TAFA5: variants seen among roughly 807,000 people sequenced by gnomAD.
The protein encoded by TAFA5 is chemokine-like protein TAFA-5.
A neutral mutation model predicts 15.3 loss-of-function variants in TAFA5; 6 were observed. That is an observed-to-expected ratio of 0.39 (90% CI 0.21 to 0.77). The LOEUF (loss-of-function observed/expected upper bound fraction) is 0.77. Ranked by LOEUF, TAFA5 falls within the 30% of genes least tolerant of loss-of-function variation. The pLI is 0.41. For synonymous variants in TAFA5, 103 were observed against 80.7 expected (o/e 1.28, Z -1.48); for missense variants, 161 against 193.1 (o/e 0.83, Z 0.98).
intron 1 of TAFA5, among the ~76,000 whole-genome samples, chr22:48,620,892 A>C: frequency 2.8e-5 from 1 of 35,426 alleles, no homozygotes. Flanking sequence ...CCATCCACCC[A>C]CCCAGTCTAT....
rs190943251 is a variant in TAFA5, at chr22:48,586,494, G to T, written c.113-60103G>T. Among the ~76,000 whole-genome samples, 443 of 152,300 alleles carry T rather than the reference G, an allele frequency of 2.9e-3. 3 individuals carry two copies. The highest frequency in any genetic ancestry group is 4.9e-3 in the Non-Finnish European group (332 of 68,016). ...TGGAAGCCCGAGGACTTCCACGGGG[G>T]TCCCCTGACAGATGGCCCCAGCAGT... is the stretch of plus-strand genomic sequence containing the variant. On this transcript the variant is annotated intron_variant, in intron 1 of 3. Transcript: ENST00000402357.
intron 1 of TAFA5, among the ~76,000 whole-genome samples, chr22:48,616,749 G>C (rs554992403): frequency 8.1e-4 from 124 of 152,356 alleles, no homozygotes; most frequent in African/African-American, 2.9e-3. Flanking sequence ...GGTCAGCAGC[G>C]AGATGGTGGG....
At chr22:48,492,130 C>A (rs1334452516) in intron 1 of TAFA5, among the ~76,000 whole-genome samples, 1 of 149,252 alleles carries the variant, frequency 6.7e-6, no homozygotes, top group East Asian at 1.9e-4. Context: ...AAAAAAATCC[C>A]CCCCCCTTTT....
intron 1 of TAFA5, among the ~76,000 whole-genome samples, chr22:48,499,386 G>A (rs1920941196): frequency 6.6e-6 from 1 of 152,168 alleles, no homozygotes; most frequent in Non-Finnish European, 1.5e-5. Context: ...TTTCTGTGGT[G>A]TCTACAGCCC....
In TAFA5 at chr22:48,592,480, C is replaced by G. The variant is rs377304370; in HGVS notation, c.113-54117C>G. Among the ~76,000 whole-genome samples, 4 of 152,250 alleles carry G rather than the reference C, an allele frequency of 2.6e-5. No individual in the cohort carries two copies. In the East Asian group the frequency reaches 7.7e-4, roughly 29 times the overall value. The stretch of plus-strand genomic sequence containing the variant: ...TGCACTCAGCTCTCTGCTGTCCTTG[C>G]CTCATGCCCAGCCCTGGGTCCAGGT... On this transcript the variant is annotated intron_variant, in intron 1 of 3. Transcript: ENST00000402357.
chr22:48,567,599 AG>A (rs1923450696), intron 1 of TAFA5, among the ~76,000 whole-genome samples: 1 of 151,674 alleles, frequency 6.6e-6, no homozygotes, highest in South Asian at 2.1e-4. Context: ...GCCTGAGGAG[AG>A]GGGGGACAGG....
chr22:48,533,943 G>T (rs1922058199), intron 1 of TAFA5, among the ~76,000 whole-genome samples: 1 of 152,148 alleles, frequency 6.6e-6, no homozygotes, highest in Admixed American at 6.5e-5. Flanking sequence ...CATGGTTTGT[G>T]GGGTCATAGT....
rs549709217 is a variant in TAFA5, at chr22:48,746,783, T to A, written c.391-3056T>A. 2.0e-5 allele frequency among the ~76,000 whole-genome samples: 3 copies of A among 152,296 alleles called. No individual in the cohort carries two copies. The East Asian group carries it at 5.8e-4, about 29-fold the overall frequency. On this transcript the variant is annotated intron_variant, in intron 3 of 3. Coordinates refer to ENST00000402357, the MANE Select transcript of TAFA5 (RefSeq NM_001082967.3). The stretch of plus-strand genomic sequence containing the variant: ...GCCGGAGGGGCCTCGTCACCTGTCA[T>A]CAGGGTGGATTGGGATGGCAGCCTG...
At position 48,697,357 on chromosome 22, in the gene TAFA5, GATA is replaced by G. The variant is rs764034041; in HGVS notation, c.263-10357_263-10355del. On this transcript the variant is annotated intron_variant, in intron 2 of 3. Coordinates refer to ENST00000402357, the MANE Select transcript of TAFA5 (RefSeq NM_001082967.3). Reference sequence around the variant, plus strand: ...TGACAGTGGTGATGATGATGATGATGATAATGATGACGATGATGATGGTGGTTG... The same window carrying G: ...TGACAGTGGTGATGATGATGATGATGATGATGACGATGATGATGGTGGTTG... 1.1e-4 allele frequency among the ~76,000 whole-genome samples: 15 copies of G among 139,410 alleles called. No individual in the cohort carries two copies. The East Asian group carries it at 1.2e-3, about 11-fold the overall frequency. 91.5% of individuals were successfully genotyped at this position (139,410 alleles called of 152,430 possible). A position where few individuals can be genotyped will look rare whatever the true frequency, so the allele number is the denominator to read the frequency against.
chr22:48,673,314 G>A (rs1221133245), intron 2 of TAFA5, among the ~76,000 whole-genome samples: 10 of 114,306 alleles, frequency 8.7e-5, no homozygotes. Flanking sequence ...CTGCCTCTGT[G>A]TGTCTCTGCT....
chr22:48,655,159 T>C (rs1234812866), intron 2 of TAFA5, among the ~76,000 whole-genome samples: 2 of 150,802 alleles, frequency 1.3e-5, no homozygotes, highest in East Asian at 2.0e-4. Flanking sequence ...TGAGTGGGGG[T>C]CCACTCCACA....
intron 1 of TAFA5, among the ~76,000 whole-genome samples, chr22:48,569,605 C>G (rs1312402008): frequency 1.3e-5 from 2 of 152,186 alleles, no homozygotes; most frequent in African/African-American, 2.4e-5. Flanking sequence ...GCATGGTGCC[C>G]GTGGAAGCCA....
chr22:48,725,853 A>G (rs959015077), intron 3 of TAFA5, among the ~76,000 whole-genome samples: 1 of 152,180 alleles, frequency 6.6e-6, no homozygotes, highest in Non-Finnish European at 1.5e-5. Context: ...CAATGGCTCC[A>G]GCAGAAGGAA....
intron 1 of TAFA5, among the ~76,000 whole-genome samples, chr22:48,638,177 G>A (rs540794048): frequency 1.1e-4 from 16 of 152,106 alleles, no homozygotes; most frequent in South Asian, 6.2e-4. Context: ...TCACAACTTC[G>A]TCCTTGAGAG....
At chr22:48,538,631 G>A (rs532436430) in intron 1 of TAFA5, among the ~76,000 whole-genome samples, 3 of 152,302 alleles carry the variant, frequency 2.0e-5, no homozygotes, top group Non-Finnish European at 2.9e-5. Context: ...GCTCCGGGCC[G>A]CGGTGGGCTC....
chr22:48,558,205 C>T (rs1233882151), intron 1 of TAFA5, among the ~76,000 whole-genome samples: 2 of 152,184 alleles, frequency 1.3e-5, no homozygotes, highest in Non-Finnish European at 1.5e-5. Context: ...ATTGCGTCTT[C>T]GCTCTCCGTG....
chr22:48,523,488 T>G (rs549132682), intron 1 of TAFA5, among the ~76,000 whole-genome samples: 1 of 152,202 alleles, frequency 6.6e-6, no homozygotes, highest in African/African-American at 2.4e-5. Flanking sequence ...ATGGAAAACG[T>G]TGGGCCTCTG....
chr22:48,741,672 C>T (rs936862734), intron 3 of TAFA5, among the ~76,000 whole-genome samples: 4 of 151,992 alleles, frequency 2.6e-5, no homozygotes, highest in Non-Finnish European at 4.4e-5. Flanking sequence ...ACACACAGGG[C>T]TGAGCCTGTG....
intron 2 of TAFA5, among the ~76,000 whole-genome samples, chr22:48,655,165 C>T (rs1927190754): frequency 6.6e-6 from 1 of 152,184 alleles, no homozygotes; most frequent in African/African-American, 2.4e-5. Flanking sequence ...GGGGTCCACT[C>T]CACATCCAGC....
Sources: gnomAD v4.1 joint callset for allele counts (sites outside exome capture counted in the v4.1 genomes callset) on GRCh38, gnomAD v4.1.1 for gene constraint, MANE v1.5 for transcripts, NCBI Gene and HGNC (gene_info 2026-07-23, HGNC 2026-07-21) for gene names.